ROPN1: variants seen among roughly 807,000 people sequenced by gnomAD.
The protein encoded by ROPN1 is rhophilin associated tail protein 1.
A neutral mutation model predicts 20.5 loss-of-function variants in ROPN1; 14 were observed. The ratio of observed to expected loss-of-function variants is 0.68; its 90% CI spans 0.45 to 1.07. The LOEUF is 1.07. ROPN1 is among the 50% of genes least tolerant of loss of function. The probability of loss-of-function intolerance (pLI) is 0.00; values close to 1 mark genes in which losing one functional copy is unlikely to be tolerated. For synonymous variants in ROPN1, 76 were observed against 95.7 expected (o/e 0.79, Z 1.20); for missense variants, 169 against 242.8 (o/e 0.70, Z 2.02).
rs370772833 is a variant in ROPN1 at position 123,976,827 on chromosome 3, C to T, written c.234+37G>A. The stretch of plus-strand genomic sequence containing the variant: ...TGTACCCACCCAGCCTCAACACTGT[C>T]CCTACATTCTCCTCAATGCTGCAGC... On this transcript the variant is annotated intron_variant, in intron 3 of 5. Transcript: ENST00000405845. 24 of 1,588,446 alleles carry T rather than the reference C, an allele frequency of 1.5e-5. No individual in the cohort carries two copies. In the African/African-American group the frequency reaches 3.0e-4, roughly 20 times the overall value.
At chr3:123,976,597 C>T (rs935327662) in intron 3 of ROPN1, among the ~76,000 whole-genome samples, 16 of 152,274 alleles carry the variant, frequency 1.1e-4, no homozygotes, top group South Asian at 2.1e-4. Context: ...TCTGGAGAGA[C>T]GAGATTAGCA....
chr3:123,970,163 C>T lies in ROPN1; in HGVS notation c.451G>A (p.Gly151Ser). ...CTGAACGGGATCCGGGGCGACCCACCATTATGGTCACATGATAAGACCTCA... is the reference window on the plus strand; with the variant it reads ...CTGAACGGGATCCGGGGCGACCCACTATTATGGTCACATGATAAGACCTCA... ...VCEVLSCDHNGGSPRIPFSTF... is the reference protein window; with the variant it reads ...VCEVLSCDHNSGSPRIPFSTF... The change falls in exon 5 of 6, where the codon GGT becomes AGT. Residue 151 changes from glycine (G) to serine (S), a missense_variant. Gly to Ser is a moderately conservative substitution (Grantham distance 56). This residue lies in a region of ROPN1 where 82 missense variants were observed against 100.1 expected (regional missense o/e 0.82). Transcript: ENST00000405845. 1 of 1,614,074 alleles carries T rather than the reference C, an allele frequency of 6.2e-7. No homozygotes were observed. Among genetic ancestry groups the T allele is most frequent in the East Asian group, 2.2e-5 (1 of 44,876 alleles).
intron 1 of ROPN1, among the ~76,000 whole-genome samples, chr3:123,985,786 G>C (rs986306389): frequency 6.6e-6 from 1 of 151,804 alleles, no homozygotes; most frequent in Non-Finnish European, 1.5e-5. Flanking sequence ...AGGCTGAGGT[G>C]GGCGGATCAC....
rs1239867122 is a variant in ROPN1, at chr3:123,980,502, A to C, written c.-12-9T>G. ...GCCATTGATTGGTTGGCCTATTCTC[A>C]GGAGAAAAAAATACGTTAAGATGAA... On this transcript the variant is annotated splice_polypyrimidine_tract_variant and intron_variant, in intron 1 of 5. Transcript: ENST00000405845. 6.2e-7 allele frequency: 1 copy of C among 1,610,982 alleles called. No individual in the cohort carries two copies. Among genetic ancestry groups the C allele is most frequent in the Admixed American group, 1.7e-5 (1 of 59,870 alleles).
rs140868038 is a variant in ROPN1 at position 123,970,156 on chromosome 3, G to A, written c.458C>T (p.Ser153Leu). Residue 153 changes from serine to leucine, a missense_variant, in exon 5 of 6, where the codon TCG becomes TTG. Ser to Leu is a moderately radical substitution (Grantham distance 145). Transcript: ENST00000405845. ...GAAGGTGCTGAACGGGATCCGGGGC[G>A]ACCCACCATTATGGTCACATGATAA... ...EVLSCDHNGG[S>L]PRIPFSTFQF... 1.9e-5 allele frequency: 31 copies of A among 1,613,950 alleles called. No homozygotes were observed. The highest frequency in any genetic ancestry group is 2.5e-5 in the Non-Finnish European group (30 of 1,179,972).
At chr3:123,988,354 C>T (rs1290902949) in intron 1 of ROPN1, among the ~76,000 whole-genome samples, 1 of 152,110 alleles carries the variant, frequency 6.6e-6, no homozygotes, top group East Asian at 1.9e-4. Context: ...CCATGTTGGT[C>T]AGGCTGACAA....
At chr3:123,987,160 C>T (rs528865040) in intron 1 of ROPN1, among the ~76,000 whole-genome samples, 7 of 152,250 alleles carry the variant, frequency 4.6e-5, no homozygotes, top group Non-Finnish European at 1.0e-4. Context: ...CTTCTCTAAG[C>T]AGCTCTCCCT....
Position 123,976,962 on chromosome 3 carries a change from G to A in ROPN1, c.136C>T (p.Arg46Cys), listed in dbSNP as rs143261201. The change falls in exon 3 of 6, where the codon CGT (arginine) becomes TGT (cysteine). Residue 46 changes from arginine to cysteine, a missense_variant. This residue lies in a region of ROPN1 where 84 missense variants were observed against 99.3 expected (regional missense o/e 0.85). Coordinates refer to ENST00000405845, the MANE Select transcript of ROPN1 (RefSeq NM_001317774.2). The stretch of plus-strand genomic sequence containing the variant: ...TCTCTCACCGGAGGCGTCTCTCCAC[G>A]GGACAGGGCCTCAAAATAACTACAA... ...WAADYFEALS[R>C]GETPPVRERS... The A allele has an allele frequency of 4.2e-5, 68 of 1,613,360 alleles. No individual in the cohort carries two copies. The African/African-American group carries it at 4.4e-4, about 10-fold the overall frequency.
chr3:123,980,057 A>G, intron 2 of ROPN1: 4 of 502,304 alleles, frequency 8.0e-6, no homozygotes, highest in Non-Finnish European at 1.4e-5. Context: ...GCGTGCAGGG[A>G]GGAGGTGGGT....
At chr3:123,982,404 T>C (rs1260224550) in intron 1 of ROPN1, among the ~76,000 whole-genome samples, 4 of 152,068 alleles carry the variant, frequency 2.6e-5, no homozygotes, top group African/African-American at 9.7e-5. Flanking sequence ...GAATGATAAA[T>C]ACAAATTCAG....
chr3:123,970,288 A>C, intron 4 of ROPN1, 71 bp from the exon 5 acceptor site: 1 of 1,391,460 alleles, frequency 7.2e-7, no homozygotes, highest in Non-Finnish European at 1.0e-6. Context: ...GTTTAGATAC[A>C]AGAAAGAAAA....
chr3:123,970,874 G>T (rs56753116), intron 4 of ROPN1, among the ~76,000 whole-genome samples: 2 of 152,060 alleles, frequency 1.3e-5, no homozygotes, highest in African/African-American at 4.8e-5. Context: ...TTAATAGAAG[G>T]GTTACTACAG....
chr3:123,975,875 CTG>C (rs1278487927), intron 3 of ROPN1: 2 of 371,970 alleles, frequency 5.4e-6, no homozygotes, highest in South Asian at 2.1e-5. Context: ...ATAGAAGAGC[CTG>C]AAAACAAAAC....
intron 1 of ROPN1, among the ~76,000 whole-genome samples, chr3:123,981,119 C>A (rs1017043220): frequency 2.0e-5 from 3 of 152,154 alleles, no homozygotes; most frequent in African/African-American, 4.8e-5. Context: ...ATATGAAAAT[C>A]CATAAAGTGT....
intron 4 of ROPN1, chr3:123,974,669 C>CT (rs1559822068): frequency 6.6e-6 from 1 of 152,630 alleles, no homozygotes; most frequent in Non-Finnish European, 1.5e-5. Flanking sequence ...CTCAGGGATT[C>CT]TTTTAAAAAA....
In ROPN1 at chr3:123,988,906, GAACAGAAGAAA is replaced by G. The variant is rs537007641; in HGVS notation, c.-13+3005_-13+3015del. On this transcript the variant is annotated intron_variant, in intron 1 of 5. Transcript: ENST00000405845. The stretch of plus-strand genomic sequence containing the variant: ...CAAGAAGCCTGCACTAGATATAGAA[GAACAGAAGAAA>G]AACAGAAGAAAAACTCTTGGATGAG... 2.5e-3 allele frequency among the ~76,000 whole-genome samples: 379 copies of G among 151,914 alleles called. 1 individual carries two copies. The highest frequency in any genetic ancestry group is 7.6e-3 in the African/African-American group (313 of 41,416).
intron 4 of ROPN1, among the ~76,000 whole-genome samples, chr3:123,972,221 T>C (rs772677261): frequency 6.6e-6 from 1 of 152,222 alleles, no homozygotes; most frequent in Non-Finnish European, 1.5e-5. Flanking sequence ...CTTCAAATTC[T>C]ACTGCCTCAT....
At position 123,970,071 on chromosome 3, in the gene ROPN1, G is replaced by A. The variant is rs755602717; in HGVS notation, c.543C>T (p.Ser181=). The A allele has an allele frequency of 3.7e-6, 6 of 1,613,978 alleles. No individual in the cohort carries two copies. The highest frequency in any genetic ancestry group is 1.3e-5 in the African/African-American group (1 of 74,918). Residue 181 remains serine, a synonymous_variant, in exon 5 of 6, where the codon AGC becomes AGT. Transcript: ENST00000405845. ...CCTGTTCCATGTAGTTTAGCATCCT[G>A]CTGACATGTGATGCAGAGATCTCCC... ...VDGEISASHV[S]RMLNYMEQEV...
Position 123,969,153 on chromosome 3 carries a change from T to C in ROPN1, c.*2A>G, listed in dbSNP as rs2037861345. The stretch of plus-strand genomic sequence containing the variant: ...TCCTTTAAAATTGCCAAAATTGTGC[T>C]TTTACTCCAGCTGAACCCTGGGGTT... On this transcript the variant is annotated 3_prime_UTR_variant, in exon 6 of 6. Coordinates refer to ENST00000405845, the MANE Select transcript of ROPN1 (RefSeq NM_001317774.2). 1.9e-6 allele frequency: 3 copies of C among 1,613,278 alleles called. No individual in the cohort carries two copies. Among genetic ancestry groups the C allele is most frequent in the African/African-American group, 1.3e-5 (1 of 74,894 alleles).
Sources: gnomAD v4.1 joint callset for allele counts (sites outside exome capture counted in the v4.1 genomes callset) on GRCh38, gnomAD v4.1.1 for gene constraint, gnomAD v4.1.1 regional missense constraint, MANE v1.5 for transcripts, NCBI Gene and HGNC (gene_info 2026-07-23, HGNC 2026-07-21) for gene names.